RBFOX1: variants seen among roughly 807,000 people sequenced by gnomAD.
RBFOX1 encodes the protein RNA binding protein fox-1 homolog 1.
Under a neutral mutation model 57.7 loss-of-function variants are expected in RBFOX1, and 8 were observed. That is an observed-to-expected ratio of 0.14 (90% confidence interval 0.08 to 0.25). The LOEUF (loss-of-function observed/expected upper bound fraction) is 0.25. Among genes scored for constraint, RBFOX1 ranks in the 10% least tolerant of loss-of-function variants. RBFOX1 has a pLI of 1.00. For synonymous variants in RBFOX1, 326 were observed against 222.4 expected (o/e 1.47, Z -4.15); for missense variants, 611 against 548.5 (o/e 1.11, Z -1.14).
intron 4 of RBFOX1, among the ~76,000 whole-genome samples, chr16:7,358,606 G>C (rs964965463): frequency 2.0e-5 from 3 of 152,112 alleles, no homozygotes; most frequent in African/African-American, 4.8e-5. Context: ...TTTTTGTAGA[G>C]ACAGGGTTTC....
At chr16:7,123,843 G>A (rs1438203527) in intron 4 of RBFOX1, among the ~76,000 whole-genome samples, 1 of 152,144 alleles carries the variant, frequency 6.6e-6, no homozygotes, top group Non-Finnish European at 1.5e-5. Context: ...TTTGCACGAG[G>A]GTGGGGCTGT....
chr16:6,487,554 A>G (rs959585769), intron 2 of RBFOX1, among the ~76,000 whole-genome samples: 1 of 151,294 alleles, frequency 6.6e-6, no homozygotes, highest in African/African-American at 2.4e-5. Context: ...GCATTTACCG[A>G]TAGTGAAGAA....
At chr16:5,966,023 G>A (rs560522728) in intron 4 of RBFOX1, among the ~76,000 whole-genome samples, 1 of 152,284 alleles carries the variant, frequency 6.6e-6, no homozygotes, top group African/African-American at 2.4e-5. Context: ...CATACTTCAT[G>A]CAGCAGGTTT....
At chr16:7,043,744 C>A (rs151306432) in intron 3 of RBFOX1, among the ~76,000 whole-genome samples, 3 of 152,312 alleles carry the variant, frequency 2.0e-5, no homozygotes, top group Admixed American at 6.5e-5. Context: ...TCTTCTGTTT[C>A]TTTGGACTCC....
intron 4 of RBFOX1, among the ~76,000 whole-genome samples, chr16:7,171,327 G>A (rs1159591): frequency 0.89 from 134,803 of 152,236 alleles, 59,739 homozygotes; most frequent in East Asian, 0.98. Context: ...CCAATTTGCT[G>A]TGAGGGTTCA....
At chr16:6,986,920 C>A (rs979090874) in intron 3 of RBFOX1, among the ~76,000 whole-genome samples, 4 of 152,100 alleles carry the variant, frequency 2.6e-5, no homozygotes, top group Non-Finnish European at 4.4e-5. Context: ...TCTAATCCAC[C>A]CCTTGCTCAC....
At chr16:6,772,164 G>C (rs2078402244) in intron 3 of RBFOX1, among the ~76,000 whole-genome samples, 1 of 152,028 alleles carries the variant, frequency 6.6e-6, no homozygotes, top group African/African-American at 2.4e-5. Flanking sequence ...TTCCGGTGTG[G>C]GCAAAGAGGA....
chr16:6,364,652 T>C (rs1215429258), intron 2 of RBFOX1, among the ~76,000 whole-genome samples: 1 of 152,228 alleles, frequency 6.6e-6, no homozygotes, highest in Non-Finnish European at 1.5e-5. Context: ...TCTAGTTCTT[T>C]AGTTTCAAAT....
At chr16:7,054,469 C>G (rs1466179678) in intron 4 of RBFOX1, among the ~76,000 whole-genome samples, 2 of 147,794 alleles carry the variant, frequency 1.4e-5, no homozygotes, top group Non-Finnish European at 3.0e-5. Flanking sequence ...TCTCGATCTC[C>G]TGACCTCGTG....
chr16:5,605,673 G>T (rs533976003), intron 3 of RBFOX1, among the ~76,000 whole-genome samples: 6 of 151,958 alleles, frequency 3.9e-5, no homozygotes, highest in Non-Finnish European at 1.5e-5. Context: ...TCTAGGAGGG[G>T]AGAGTGTTGT....
At chr16:6,952,566 A>T (rs758872862) in intron 3 of RBFOX1, among the ~76,000 whole-genome samples, 11 of 151,994 alleles carry the variant, frequency 7.2e-5, no homozygotes, top group Non-Finnish European at 1.5e-4. Context: ...TAGGCCTGGG[A>T]GATCAAGGCT....
chr16:5,687,686 C>T (rs910940256), intron 3 of RBFOX1, among the ~76,000 whole-genome samples: 1 of 152,146 alleles, frequency 6.6e-6, no homozygotes, highest in African/African-American at 2.4e-5. Flanking sequence ...CTGATACTGT[C>T]TCAGCTTTAG....
At chr16:5,727,983 G>A (rs970885828) in intron 3 of RBFOX1, among the ~76,000 whole-genome samples, 4 of 152,112 alleles carry the variant, frequency 2.6e-5, no homozygotes, top group South Asian at 2.1e-4. Flanking sequence ...TACCATGCCC[G>A]GCCTCCTCTC....
intron 1 of RBFOX1, among the ~76,000 whole-genome samples, chr16:5,392,529 A>ATT (rs913231218): frequency 6.1e-4 from 92 of 150,018 alleles, no homozygotes; most frequent in Admixed American, 2.1e-3. Context: ...ATATATATAT[A>ATT]TTTTTTTTCT....
At chr16:7,709,226 C>G (rs962018158) in intron 15 of RBFOX1, 95 bp downstream of exon 15, 5 of 1,220,572 alleles carry the variant, frequency 4.1e-6, no homozygotes, top group African/African-American at 1.5e-5. Context: ...TCTCACTTCC[C>G]GTTAATTGAA....
rs1372027031 is a variant in RBFOX1, at chr16:7,224,382, C to G, written c.27+172284C>G. Among the ~76,000 whole-genome samples, 6 of 152,278 alleles carry G rather than the reference C, an allele frequency of 3.9e-5. No homozygotes were observed. In the East Asian group the frequency reaches 1.2e-3, roughly 29 times the overall value. Reference sequence around the variant, plus strand: ...CAGTCCCATTGACATTTGAATTCTGCCCATGCAAATTAGTGGAACTTGCCA... The same window carrying G: ...CAGTCCCATTGACATTTGAATTCTGGCCATGCAAATTAGTGGAACTTGCCA... On this transcript the variant is annotated intron_variant, in intron 4 of 15. Transcript: ENST00000550418.
chr16:7,213,235 C>G (rs2091468342), intron 4 of RBFOX1, among the ~76,000 whole-genome samples: 1 of 152,146 alleles, frequency 6.6e-6, no homozygotes, highest in African/African-American at 2.4e-5. Context: ...AATGAGGCAT[C>G]AGTTTTTCCC....
intron 2 of RBFOX1, among the ~76,000 whole-genome samples, chr16:6,356,271 A>C (rs2487919): frequency 0.12 from 17,503 of 152,132 alleles, 1,096 homozygotes; most frequent in Middle Eastern, 0.18. Flanking sequence ...TGCAGGGGCA[A>C]AAACCTGCCA....
At position 6,895,103 on chromosome 16, in the gene RBFOX1, C is replaced by T. The variant is rs185167193; in HGVS notation, c.-15-156954C>T. ...ATCTAATGACTTAAAGAAATAAAGT[C>T]TGGTCCTCTTTTCCATAGAAGTTCA... On this transcript the variant is annotated intron_variant, in intron 3 of 15. Transcript: ENST00000550418. 1.5e-3 allele frequency among the ~76,000 whole-genome samples: 231 copies of T among 152,204 alleles called. 1 individual carries two copies. Among genetic ancestry groups the T allele is most frequent in the African/African-American group, 5.4e-3 (226 of 41,536 alleles).
Sources: allele counts gnomAD v4.1 joint callset (sites outside exome capture counted in the v4.1 genomes callset), GRCh38; gene constraint gnomAD v4.1.1; transcripts MANE v1.5; gene names NCBI Gene and HGNC (gene_info 2026-07-23, HGNC 2026-07-21).